Variants in SPAG9 observed in about 807,000 individuals in gnomAD.
The protein encoded by SPAG9 is C-Jun-amino-terminal kinase-interacting protein 4.
Under a neutral mutation model 166.5 loss-of-function variants are expected in SPAG9, and 35 were observed. The observed-to-expected ratio is 0.21, with a 90% CI of 0.16 to 0.28. The LOEUF (loss-of-function observed/expected upper bound fraction) is 0.28, where lower values mean the gene tolerates loss of function less well. Among genes scored for constraint, SPAG9 ranks in the 10% least tolerant of loss-of-function variants. The pLI, the probability that SPAG9 is intolerant of heterozygous loss-of-function variation, is 1.00. For missense variants in SPAG9, 1,235 were observed against 1,603.3 expected (o/e 0.77, Z 3.92); for synonymous variants, 534 against 565.5 (o/e 0.94, Z 0.79).
intron 1 of SPAG9, among the ~76,000 whole-genome samples, chr17:51,091,751 T>G (rs2048470879): frequency 6.6e-6 from 1 of 151,494 alleles, no homozygotes; most frequent in Non-Finnish European, 1.5e-5. Context: ...TTTCAATAAC[T>G]AATAGGCCAG....
At position 50,982,598 on chromosome 17, in the gene SPAG9, C is replaced by T. The variant is rs962783722; in HGVS notation, c.3163G>A (p.Val1055Met). Residue 1055 changes from valine to methionine, a missense_variant, in exon 25 of 30, where the codon GTG becomes ATG. Physicochemically the swap from Val to Met is conservative, Grantham distance 21 (BLOSUM62 1). Around this residue, in one of 6 missense-constraint regions of SPAG9, gnomAD observed 243 missense variants for 358.6 expected, o/e 0.68. Transcript: ENST00000262013. ...CCACACCAGACTTTGTCATGTACCA[C>T]AGTCATGCAACGGATGGAATGATGA... ...RPHHSIRCMTVVHDKVWCGYR... is the reference protein window; with the variant it reads ...RPHHSIRCMTMVHDKVWCGYR... 6.2e-7 allele frequency: 1 copy of T among 1,613,942 alleles called. No homozygotes were observed. Among genetic ancestry groups the T allele is most frequent in the Non-Finnish European group, 8.5e-7 (1 of 1,179,896 alleles).
At chr17:51,016,438 G>A (rs963230366) in intron 8 of SPAG9, among the ~76,000 whole-genome samples, 2 of 152,218 alleles carry the variant, frequency 1.3e-5, no homozygotes, top group African/African-American at 4.8e-5. Context: ...ATAGGAGGCT[G>A]CAGGAGAGTA....
At chr17:51,095,986 TATAGTGATATATATATAG>T in intron 1 of SPAG9, among the ~76,000 whole-genome samples, 1 of 115,472 alleles carries the variant, frequency 8.7e-6, no homozygotes, top group Non-Finnish European at 1.8e-5. Flanking sequence ...TATATATATA[TATAGTGATATATATATAG>T]TGATATATAT....
chr17:51,104,932 C>CAAAAAA (rs397856546), intron 1 of SPAG9, among the ~76,000 whole-genome samples: 38 of 57,464 alleles, frequency 6.6e-4, no homozygotes, highest in African/African-American at 2.4e-3. Flanking sequence ...GACTCCGTCT[C>CAAAAAA]AAAAAAAAAA....
chr17:51,073,477 G>A (rs1320112365), intron 2 of SPAG9, among the ~76,000 whole-genome samples: 1 of 151,954 alleles, frequency 6.6e-6, no homozygotes, highest in East Asian at 1.9e-4. Context: ...AATAGAGCTG[G>A]AATGTCTCAA....
intron 9 of SPAG9, among the ~76,000 whole-genome samples, chr17:51,011,263 G>A (rs2045471818): frequency 6.7e-6 from 1 of 149,250 alleles, no homozygotes; most frequent in South Asian, 2.1e-4. Flanking sequence ...GGAGTTCCAG[G>A]ACAGCCTACA....
intron 6 of SPAG9, among the ~76,000 whole-genome samples, 164 bp from the exon 7 acceptor site, chr17:51,021,529 T>C (rs1332368117): frequency 6.6e-6 from 1 of 152,202 alleles, no homozygotes; most frequent in Non-Finnish European, 1.5e-5. Flanking sequence ...CTTTAGACCC[T>C]CTGCAAATAA....
At chr17:51,029,754 G>T (rs1025565679) in intron 6 of SPAG9, among the ~76,000 whole-genome samples, 1 of 152,150 alleles carries the variant, frequency 6.6e-6, no homozygotes, top group Admixed American at 6.5e-5. Flanking sequence ...GGTAGTTTCC[G>T]GGGCTACAGT....
rs372656084 is a variant in SPAG9, at chr17:50,994,387, G to A, written c.2227-452C>T. Among the ~76,000 whole-genome samples, 138 of 152,158 alleles carry A rather than the reference G, an allele frequency of 9.1e-4. 3 individuals carry two copies. In the South Asian group the frequency reaches 0.026, roughly 29 times the overall value. On this transcript the variant is annotated intron_variant, in intron 18 of 29. Coordinates refer to ENST00000262013, the MANE Select transcript of SPAG9 (RefSeq NM_001130528.3). ...AACCTCTTTTTTCCTTCCCAGTCTC[G>A]GGTATGTGTTTATCAGCAGTGTGAA...
At chr17:51,067,832 T>C (rs1182660730) in intron 2 of SPAG9, among the ~76,000 whole-genome samples, 2 of 152,220 alleles carry the variant, frequency 1.3e-5, no homozygotes, top group East Asian at 3.8e-4. Context: ...TACTTCAGCC[T>C]CATTTTGAGC....
intron 1 of SPAG9, among the ~76,000 whole-genome samples, chr17:51,104,579 C>A (rs555062697): frequency 6.6e-6 from 1 of 151,740 alleles, no homozygotes; most frequent in Admixed American, 6.6e-5. Flanking sequence ...GAGGTGATGG[C>A]GAGGCGAGTT....
intron 28 of SPAG9, among the ~76,000 whole-genome samples, chr17:50,974,466 T>C (rs1173662235): frequency 6.6e-6 from 1 of 152,206 alleles, no homozygotes; most frequent in African/African-American, 2.4e-5. Flanking sequence ...ATTTCTCTTA[T>C]TAGGTCAAGA....
chr17:51,037,002 A>C (rs2046613106), intron 5 of SPAG9, among the ~76,000 whole-genome samples: 1 of 152,110 alleles, frequency 6.6e-6, no homozygotes, highest in Admixed American at 6.5e-5. Context: ...TTTGTTTTCC[A>C]ATTCCTTCAT....
chr17:51,112,371 A>C (rs1468119853), intron 1 of SPAG9, among the ~76,000 whole-genome samples: 1 of 107,260 alleles, frequency 9.3e-6, no homozygotes, highest in African/African-American at 4.2e-5. Context: ...CCATCTCTAC[A>C]AAAAAAAAAA....
At chr17:51,000,348 T>C (rs909174916) in intron 13 of SPAG9, among the ~76,000 whole-genome samples, 1 of 152,208 alleles carries the variant, frequency 6.6e-6, no homozygotes, top group Non-Finnish European at 1.5e-5. Flanking sequence ...ATTAAAAACA[T>C]TCTTTACTTC....
intron 3 of SPAG9, among the ~76,000 whole-genome samples, chr17:51,049,835 T>G (rs548130578): frequency 2.0e-4 from 31 of 152,306 alleles, no homozygotes; most frequent in African/African-American, 7.5e-4. Context: ...TGACCTCAAG[T>G]GATCCACCCG....
chr17:51,004,402 A>G (rs750505993), intron 12 of SPAG9, among the ~76,000 whole-genome samples: 1 of 152,226 alleles, frequency 6.6e-6, no homozygotes, highest in Admixed American at 6.5e-5. Flanking sequence ...AAACAACCAC[A>G]TATCTTTGGT....
intron 2 of SPAG9, among the ~76,000 whole-genome samples, chr17:51,076,169 G>A (rs1447075598): frequency 2.0e-5 from 3 of 151,424 alleles, no homozygotes; most frequent in Non-Finnish European, 4.4e-5. Flanking sequence ...TGCCTGTAAT[G>A]CCAGCACTTT....
intron 1 of SPAG9, among the ~76,000 whole-genome samples, chr17:51,082,986 T>TAA (rs2048208755): frequency 6.6e-6 from 1 of 152,186 alleles, no homozygotes; most frequent in Non-Finnish European, 1.5e-5. Flanking sequence ...TGCCAGTTCT[T>TAA]AAACTCTAAA....
Sources: gnomAD v4.1 joint callset for allele counts (sites outside exome capture counted in the v4.1 genomes callset) on GRCh38, gnomAD v4.1.1 for gene constraint, gnomAD v4.1.1 regional missense constraint, MANE v1.5 for transcripts, NCBI Gene and HGNC (gene_info 2026-07-23, HGNC 2026-07-21) for gene names.